PANK2: variants seen among roughly 807,000 people sequenced by gnomAD.
PANK2 encodes pantothenate kinase 2, also known as pantothenate kinase 2, mitochondrial.
A neutral mutation model predicts 43.1 loss-of-function variants in PANK2; 36 were observed. That is an observed-to-expected ratio of 0.84 (90% CI 0.64 to 1.10). PANK2 has a LOEUF of 1.10. PANK2 is among the 50% of genes least tolerant of loss of function. The pLI is 0.00. For missense variants in PANK2, 576 were observed against 593.3 expected, an observed-to-expected ratio of 0.97 and a Z score of 0.30; for synonymous variants, 281 against 238.2, an observed-to-expected ratio of 1.18 and a Z score of -1.66.
chr20:3,891,622 C>G (rs910066681), intron 1 of PANK2, among the ~76,000 whole-genome samples: 3 of 152,082 alleles, frequency 2.0e-5, no homozygotes, highest in African/African-American at 7.2e-5. Flanking sequence ...CTTTTGTGTT[C>G]AAGACTGACT....
chr20:3,889,519 C>T lies in PANK2; in HGVS notation c.89C>T (p.Ser30Phe), dbSNP rs2090076795. ...CCCATGGAGCGCCACGGCAGGGCTTCCGCCACCTCCGTCTCGTCGGCTGGG... is the reference window on the plus strand; with the variant it reads ...CCCATGGAGCGCCACGGCAGGGCTTTCGCCACCTCCGTCTCGTCGGCTGGG... Residue 30 changes from serine to phenylalanine, a missense_variant, in exon 1 of 7, where the codon TCC becomes TTC. Physicochemically the swap from Ser to Phe is radical, Grantham distance 155. Around this residue, in one of 2 missense-constraint regions of PANK2, gnomAD observed 544 missense variants for 528.9 expected, o/e 1.03. Transcript: ENST00000610179. The T allele has an allele frequency of 7.0e-7, 1 of 1,436,406 alleles. No individual in the cohort carries two copies. The highest frequency in any genetic ancestry group is 1.5e-5 in the African/African-American group (1 of 66,490). The allele number at this position is 1,436,406 out of a possible 1,614,324, so 89.0% of individuals were successfully genotyped here.
intron 5 of PANK2, chr20:3,917,597 G>C (rs1405470323): frequency 2.0e-6 from 1 of 508,810 alleles, no homozygotes; most frequent in East Asian, 5.7e-5. Flanking sequence ...TGGGAAAAGA[G>C]GATCTAGGAT....
chr20:3,889,083 G>A (rs2090062173), upstream of PANK2: 1 of 1,524,792 alleles, frequency 6.6e-7, no homozygotes, highest in African/African-American at 1.4e-5. Flanking sequence ...ACAAGTGGGG[G>A]GCGGAAGGAG....
chr20:3,893,950 T>C (rs1056876731), intron 1 of PANK2, among the ~76,000 whole-genome samples: 3 of 135,680 alleles, frequency 2.2e-5, no homozygotes, highest in East Asian at 4.1e-4. Context: ...TTTTTTTTTT[T>C]AGAGGAGTTT....
intron 1 of PANK2, among the ~76,000 whole-genome samples, chr20:3,898,944 G>A (rs559245792): frequency 4.5e-4 from 68 of 151,700 alleles, no homozygotes; most frequent in Non-Finnish European, 6.8e-4. Context: ...GTGCGACCTC[G>A]GCTCACTGCA....
intron 1 of PANK2, among the ~76,000 whole-genome samples, chr20:3,897,020 G>A (rs1053350832): frequency 3.9e-5 from 6 of 152,112 alleles, no homozygotes; most frequent in Non-Finnish European, 8.8e-5. Context: ...CTTAGCCCTC[G>A]ACCTGTGGCA....
intron 1 of PANK2, among the ~76,000 whole-genome samples, chr20:3,902,658 T>G (rs1007709940): frequency 6.6e-5 from 10 of 151,532 alleles, no homozygotes; most frequent in Non-Finnish European, 1.5e-4. Flanking sequence ...TGGCTTCAAG[T>G]GATCCTCCCA....
intron 4 of PANK2, among the ~76,000 whole-genome samples, chr20:3,913,518 T>C (rs1411319811): frequency 6.6e-6 from 1 of 151,822 alleles, no homozygotes; most frequent in Admixed American, 6.6e-5. Context: ...TAATTTTGTA[T>C]TTTTTAGTAG....
intron 1 of PANK2, among the ~76,000 whole-genome samples, chr20:3,892,864 A>C (rs1266389645): frequency 1.3e-5 from 2 of 152,066 alleles, no homozygotes; most frequent in African/African-American, 4.8e-5. Flanking sequence ...CCCTTGTCCC[A>C]GACTTACTGC....
At chr20:3,913,945 C>A (rs992427375) in intron 4 of PANK2, among the ~76,000 whole-genome samples, 1 of 151,806 alleles carries the variant, frequency 6.6e-6, no homozygotes, top group Non-Finnish European at 1.5e-5. Context: ...CCTGCCACCA[C>A]GCCCGGCTAT....
At chr20:3,903,693 T>A (rs911349740) in intron 1 of PANK2, among the ~76,000 whole-genome samples, 2 of 150,622 alleles carry the variant, frequency 1.3e-5, no homozygotes, top group Non-Finnish European at 3.0e-5. Context: ...AGTGGTGTGA[T>A]CTCGGCTCAC....
At chr20:3,917,280 A>T (rs2090576864) in intron 5 of PANK2, among the ~76,000 whole-genome samples, 1 of 151,836 alleles carries the variant, frequency 6.6e-6, no homozygotes, top group South Asian at 2.1e-4. Context: ...TTTTGAGGAG[A>T]AAGTAGAGGA....
intron 1 of PANK2, among the ~76,000 whole-genome samples, chr20:3,893,940 T>G (rs2090164166): frequency 2.7e-5 from 4 of 149,542 alleles, no homozygotes; most frequent in Admixed American, 2.7e-4. Context: ...TGTTTTTTTT[T>G]TTTTTTTTTT....
At chr20:3,905,594 G>A (rs1369521313) in intron 1 of PANK2, among the ~76,000 whole-genome samples, 5 of 151,016 alleles carry the variant, frequency 3.3e-5, no homozygotes, top group African/African-American at 4.9e-5. Flanking sequence ...TGATCCTCCC[G>A]CCTCGGCCTC....
At chr20:3,901,558 T>C in intron 1 of PANK2, 1 of 957,744 alleles carries the variant, frequency 1.0e-6, no homozygotes, top group South Asian at 4.9e-5. Flanking sequence ...ACAGAACTGC[T>C]GCTTGCTTTC....
chr20:3,912,744 G>GT, intron 4 of PANK2, 110 bp downstream of exon 4: 1 of 1,194,430 alleles, frequency 8.4e-7, no homozygotes, highest in Non-Finnish European at 1.2e-6. Flanking sequence ...GAGGTCAGGA[G>GT]TTTGAGACCA....
chr20:3,901,210 T>C (rs1420495782), intron 1 of PANK2, among the ~76,000 whole-genome samples: 2 of 150,658 alleles, frequency 1.3e-5, no homozygotes, highest in African/African-American at 4.8e-5. Context: ...GTGCACGTGA[T>C]CATACCTAAA....
In PANK2 at chr20:3,908,028, G is replaced by C. The variant is rs1306979650; in HGVS notation, c.401G>C (p.Ser134Thr). The change falls in exon 2 of 7, where the codon AGT (serine) becomes ACT (threonine). Residue 134 changes from serine (S) to threonine (T), a missense_variant. This residue lies in a region of PANK2 where 544 missense variants were observed against 528.9 expected (regional missense o/e 1.03). Transcript: ENST00000610179. ...GAAGAAGAAGAGGAAGAAGTGGAAA[G>C]TCTTAAAAGCATTCGGAAGTACCTG... 6.2e-7 allele frequency: 1 copy of C among 1,614,130 alleles called. No individual in the cohort carries two copies.
chr20:3,893,216 A>G (rs2090152168), intron 1 of PANK2, among the ~76,000 whole-genome samples: 1 of 152,004 alleles, frequency 6.6e-6, no homozygotes, highest in Non-Finnish European at 1.5e-5. Flanking sequence ...TTAGTGATGG[A>G]GTTGGGTTTT....
Sources: gnomAD v4.1 joint callset for allele counts (sites outside exome capture counted in the v4.1 genomes callset) on GRCh38, gnomAD v4.1.1 for gene constraint, gnomAD v4.1.1 regional missense constraint, MANE v1.5 for transcripts, NCBI Gene and HGNC (gene_info 2026-07-23, HGNC 2026-07-21) for gene names.